ADAD2: variants seen among roughly 807,000 people sequenced by gnomAD.
ADAD2 encodes the protein adenosine deaminase domain-containing protein 2.
ADAD2 carries 60 observed loss-of-function variants against 54.5 expected under a neutral mutation model. The observed-to-expected ratio is 1.10, with a 90% CI of 0.89 to 1.36. The LOEUF is 1.36. Ranked by LOEUF, ADAD2 falls within the 40% of genes most tolerant of loss-of-function variation. ADAD2 has a pLI of 0.00. For missense variants in ADAD2, 1,103 were observed against 801.3 expected (o/e 1.38, Z -4.54); for synonymous variants, 543 against 366.2 (o/e 1.48, Z -5.51).
At position 84,196,669 on chromosome 16, in the gene ADAD2, C is replaced by T. The variant is rs773414311; in HGVS notation, c.1549C>T (p.Arg517Cys). The change falls in exon 9 of 10, where the codon CGT becomes TGT. Residue 517 changes from arginine (R) to cysteine (C), a missense_variant. Arg to Cys is a radical substitution (Grantham distance 180, BLOSUM62 -3). Coordinates refer to ENST00000315906, the MANE Select transcript of ADAD2 (RefSeq NM_001145400.2). Reference protein sequence around the residue: ...KANAALGPPSRLCKASFLRAF... With the variant: ...KANAALGPPSCLCKASFLRAF... Reference sequence around the variant, plus strand: ...CAGTGCCGCCCTGGGGCCTCCCTCCCGTCTCTGCAAGGCCTCCTTTCTCCG... The same window carrying T: ...CAGTGCCGCCCTGGGGCCTCCCTCCTGTCTCTGCAAGGCCTCCTTTCTCCG... The T allele has an allele frequency of 3.7e-6, 6 of 1,613,470 alleles. No homozygotes were observed. The highest frequency in any genetic ancestry group is 2.2e-5 in the East Asian group (1 of 44,892).
Position 84,195,298 on chromosome 16 carries a change from A to C in ADAD2, c.736A>C (p.Ile246Leu), listed in dbSNP as rs780180604. The part of the protein sequence containing the change: ...TVAGVILERE[I>L]PRARGHVKEI... ...CGTCTCTGCCCCCTCCTGCACAGAGATCCCGCGTGCCAGGGGCCACGTGAA... is the reference window on the plus strand; with the variant it reads ...CGTCTCTGCCCCCTCCTGCACAGAGCTCCCGCGTGCCAGGGGCCACGTGAA... The change falls in exon 5 of 10, where the codon ATC becomes CTC. Residue 246 changes from isoleucine to leucine, a missense_variant and splice_region_variant. Transcript: ENST00000315906. The C allele has an allele frequency of 1.4e-4, 225 of 1,611,604 alleles. No homozygotes were observed. The highest frequency in any genetic ancestry group is 4.9e-4 in the Middle Eastern group (3 of 6,080).
At chr16:84,194,262 G>A (rs756759486) in intron 1 of ADAD2, 180 bp from the exon 2 acceptor site, 99 of 1,553,238 alleles carry the variant, frequency 6.4e-5, no homozygotes, top group Non-Finnish European at 8.3e-5. Flanking sequence ...ACAGCCTGCA[G>A]AGGCACTCAA....
In ADAD2 at chr16:84,191,589, T is replaced by C. The variant is rs748220361; in HGVS notation, c.359T>C (p.Leu120Pro). ...CCTGCCAGCCAGGCCGTGTCCTTGC[T>C]CACGGAGTACGCGGCCAGCCTGGGC... is the stretch of plus-strand genomic sequence containing the variant. The part of the protein sequence containing the change: ...DPPASQAVSL[L>P]TEYAASLGIF... Residue 120 changes from leucine to proline, a missense_variant, in exon 1 of 10, where the codon CTC becomes CCC. By Grantham distance (98) the Leu-to-Pro change is moderately conservative. Coordinates refer to ENST00000315906, the MANE Select transcript of ADAD2 (RefSeq NM_001145400.2). 1 of 1,550,784 alleles carries C rather than the reference T, an allele frequency of 6.4e-7. No individual in the cohort carries two copies. Among genetic ancestry groups the C allele is most frequent in the Non-Finnish European group, 8.7e-7 (1 of 1,147,490 alleles).
At position 84,196,004 on chromosome 16, in the gene ADAD2, C is replaced by G; in HGVS notation, c.1242C>G (p.Ala414=). ...AVLGLGGALL[A]HLVSPLYSTS... ...TGGGGCTGGGTGGTGCCCTGCTGGC[C>G]CACCTGGTGTCCCCACTCTACAGCA... Residue 414 remains alanine, a synonymous_variant, in exon 7 of 10, where the codon GCC becomes GCG. Transcript: ENST00000315906. The G allele has an allele frequency of 6.3e-7, 1 of 1,598,902 alleles. No individual in the cohort carries two copies. Among genetic ancestry groups the G allele is most frequent in the Non-Finnish European group, 8.5e-7 (1 of 1,179,620 alleles).
At position 84,196,996 on chromosome 16, in the gene ADAD2, G is replaced by GGT. The variant is rs1352903018; in HGVS notation, c.*23_*24dup. 6.4e-7 allele frequency: 1 copy of GGT among 1,568,938 alleles called. No homozygotes were observed. Among genetic ancestry groups the GGT allele is most frequent in the Admixed American group, 1.9e-5 (1 of 52,758 alleles). On this transcript the variant is annotated 3_prime_UTR_variant, in exon 10 of 10. Coordinates refer to ENST00000315906, the MANE Select transcript of ADAD2 (RefSeq NM_001145400.2). ...CTGAAGCCAGCCTCGGCGGGACCGA[G>GGT]GTCCCGGAGCCAAGCTGTACCCCTG...
At position 84,195,712 on chromosome 16, in the gene ADAD2, C is replaced by T. The variant is rs765641028; in HGVS notation, c.1052+15C>T. On this transcript the variant is annotated intron_variant, in intron 6 of 9. Transcript: ENST00000315906. ...CGTGACATCTAGTATGCAGGGCCCC[C>T]GGGGCAGGCGGGGGATGGGGCTCCC... 28 of 1,530,924 alleles carry T rather than the reference C, an allele frequency of 1.8e-5. No individual in the cohort carries two copies. The African/African-American group carries it at 2.8e-4, about 15-fold the overall frequency. The allele number at this position is 1,530,924 out of a possible 1,614,324, so 94.8% of individuals were successfully genotyped here. A position where few individuals can be genotyped will look rare whatever the true frequency, so the allele number is the denominator to read the frequency against.
chr16:84,194,845 A>C (rs1017715229), intron 2 of ADAD2, 88 bp from the exon 3 acceptor site: 11 of 1,428,072 alleles, frequency 7.7e-6, no homozygotes, highest in Non-Finnish European at 8.5e-6. Context: ...GGAAGATGAA[A>C]ACTTCCTCTC....
intron 8 of ADAD2, 103 bp from the exon 9 acceptor site, chr16:84,196,544 G>A: frequency 2.6e-6 from 4 of 1,559,874 alleles, no homozygotes; most frequent in Middle Eastern, 1.7e-4. Flanking sequence ...TGTGAGTCCT[G>A]TGACATTGTC....
chr16:84,196,545 T>G, intron 8 of ADAD2, 102 bp from the exon 9 acceptor site: 1 of 1,560,132 alleles, frequency 6.4e-7, no homozygotes, highest in Non-Finnish European at 8.7e-7. Flanking sequence ...GTGAGTCCTG[T>G]GACATTGTCA....
chr16:84,194,079 C>T (rs750599033), intron 1 of ADAD2: 1 of 1,613,706 alleles, frequency 6.2e-7, no homozygotes. Context: ...TGGAAGTGCT[C>T]AGAGCCTTCC....
Position 84,191,574 on chromosome 16 carries a change from A to T in ADAD2, c.344A>T (p.Gln115Leu). 6.5e-7 allele frequency: 1 copy of T among 1,549,488 alleles called. No individual in the cohort carries two copies. Among genetic ancestry groups the T allele is most frequent in the Non-Finnish European group, 8.7e-7 (1 of 1,146,858 alleles). ...CCGCTCAAAGACCCACCTGCCAGCC[A>T]GGCCGTGTCCTTGCTCACGGAGTAC... ...SLPLKDPPASQAVSLLTEYAA... is the reference protein window; with the variant it reads ...SLPLKDPPASLAVSLLTEYAA... The change falls in exon 1 of 10, where the codon CAG becomes CTG. Residue 115 changes from glutamine (Q) to leucine (L), a missense_variant. By Grantham distance (113) the Gln-to-Leu change is moderately radical (BLOSUM62 -2). Coordinates refer to ENST00000315906, the MANE Select transcript of ADAD2 (RefSeq NM_001145400.2).
Position 84,194,861 on chromosome 16 carries a change from C to G in ADAD2, c.560-72C>G, listed in dbSNP as rs540610433. On this transcript the variant is annotated intron_variant, in intron 2 of 9. Transcript: ENST00000315906. Reference sequence around the variant, plus strand: ...GAAGATGAAAACTTCCTCTCCCCGCCTCCTTGGCTTCCTGAGGGACGGAGG... The same window carrying G: ...GAAGATGAAAACTTCCTCTCCCCGCGTCCTTGGCTTCCTGAGGGACGGAGG... The G allele has an allele frequency of 1.8e-4, 272 of 1,505,452 alleles. 1 individual carries two copies. The highest frequency in any genetic ancestry group is 3.5e-4 in the Admixed American group (17 of 48,162). The allele number at this position is 1,505,452 out of a possible 1,614,324, so 93.3% of individuals were successfully genotyped here. A position where few individuals can be genotyped will look rare whatever the true frequency, so the allele number is the denominator to read the frequency against.
Position 84,196,315 on chromosome 16 carries a change from C to G in ADAD2, c.1471C>G (p.Leu491Val). ...TCRGLSLNWS[L>V]GDPGIEVVDV... ...CCGTGGCCTGAGCCTCAACTGGAGC[C>G]TGGGGGACCCTGGCATCGAGGTTGT... Residue 491 changes from leucine to valine, a missense_variant, in exon 8 of 10, where the codon CTG becomes GTG. By Grantham distance (32) the Leu-to-Val change is conservative (BLOSUM62 1). Coordinates refer to ENST00000315906, the MANE Select transcript of ADAD2 (RefSeq NM_001145400.2). 1 of 1,612,974 alleles carries G rather than the reference C, an allele frequency of 6.2e-7. No individual in the cohort carries two copies. Among genetic ancestry groups the G allele is most frequent in the Non-Finnish European group, 8.5e-7 (1 of 1,179,976 alleles).
At chr16:84,193,924 C>T (rs1382098155) in intron 1 of ADAD2, 2 of 1,372,292 alleles carry the variant, frequency 1.5e-6, no homozygotes, top group Non-Finnish European at 2.0e-6. Context: ...AACCCTGCAC[C>T]TTTGACCATG....
rs377005824 is a variant in ADAD2, at chr16:84,196,382, C to T, written c.1526+12C>T. On this transcript the variant is annotated intron_variant, in intron 8 of 9. Transcript: ENST00000315906. Reference sequence around the variant, plus strand: ...CGTGTGAAGGCCAAGTGAGAAGGGCCCCCTGGGGCCGGGCTGTGGAGCAGT... The same window carrying T: ...CGTGTGAAGGCCAAGTGAGAAGGGCTCCCTGGGGCCGGGCTGTGGAGCAGT... 2.1e-4 allele frequency: 343 copies of T among 1,605,924 alleles called. 1 individual carries two copies. The African/African-American group carries it at 3.6e-3, about 17-fold the overall frequency.
chr16:84,195,230 C>A lies in ADAD2; in HGVS notation c.733+36C>A, dbSNP rs771909368. ...CCCCAGCCCTGGCCCTGGCCCCGGC[C>A]CCCTGGGAAGGGCCCCCTCAAGCTC... On this transcript the variant is annotated intron_variant, in intron 4 of 9. Coordinates refer to ENST00000315906, the MANE Select transcript of ADAD2 (RefSeq NM_001145400.2). The A allele has an allele frequency of 3.1e-6, 5 of 1,610,400 alleles. No individual in the cohort carries two copies. The South Asian group carries it at 4.4e-5, about 14-fold the overall frequency.
rs1222726221 is a variant in ADAD2, at chr16:84,196,265, C to A, written c.1421C>A (p.Pro474His). The change falls in exon 8 of 10, where the codon CCT becomes CAT. Residue 474 changes from proline to histidine, a missense_variant. Transcript: ENST00000315906. ...CTGTTTGCAGGGCCCCCGGTGGCCC[C>A]TTCCGAACCCACCCCTGACACCTGC... ...LHLFAGPPVA[P>H]SEPTPDTCRG... The A allele has an allele frequency of 6.8e-6, 11 of 1,612,820 alleles. No individual in the cohort carries two copies. The highest frequency in any genetic ancestry group is 1.1e-5 in the South Asian group (1 of 91,084).
Position 84,191,633 on chromosome 16 carries a change from G to A in ADAD2, c.403G>A (p.Glu135Lys). The part of the protein sequence containing the change: ...ASLGIFLLFR[E>K]DQPPGPCFPF... ...CCTGGGCATCTTCCTGCTCTTCCGG[G>A]AGGACCAGCCACCAGGTGAGGCCGG... The change falls in exon 1 of 10, where the codon GAG becomes AAG. Residue 135 changes from glutamate (E) to lysine (K), a missense_variant. Coordinates refer to ENST00000315906, the MANE Select transcript of ADAD2 (RefSeq NM_001145400.2). 6.4e-7 allele frequency: 1 copy of A among 1,557,108 alleles called. No individual in the cohort carries two copies. The highest frequency in any genetic ancestry group is 2.4e-5 in the East Asian group (1 of 41,624).
Position 84,191,534 on chromosome 16 carries a change from G to T in ADAD2, c.304G>T (p.Ala102Ser), listed in dbSNP as rs2089653990. The T allele has an allele frequency of 3.2e-6, 5 of 1,547,244 alleles. No homozygotes were observed. The highest frequency in any genetic ancestry group is 4.4e-6 in the Non-Finnish European group (5 of 1,146,710). The change falls in exon 1 of 10, where the codon GCA (alanine) becomes TCA (serine). Residue 102 changes from alanine to serine, a missense_variant. By Grantham distance (99) the Ala-to-Ser change is moderately conservative. Coordinates refer to ENST00000315906, the MANE Select transcript of ADAD2 (RefSeq NM_001145400.2). ...GGCCCCGAGGGTCCCTGTGCCCCCA[G>T]CAGGGCTCAGCCTGCCGCTCAAAGA... ...GKAPRVPVPP[A>S]GLSLPLKDPP...
Sources: allele counts gnomAD v4.1 joint callset, GRCh38; gene constraint gnomAD v4.1.1; transcripts MANE v1.5; gene names NCBI Gene and HGNC (gene_info 2026-07-23, HGNC 2026-07-21).